FNBP1: variants seen among roughly 807,000 people sequenced by gnomAD.
FNBP1 encodes formin-binding protein 1.
Under a neutral mutation model 90.6 loss-of-function variants are expected in FNBP1, and 26 were observed. The observed-to-expected ratio is 0.29, with a 90% CI of 0.21 to 0.40. The LOEUF is 0.40. FNBP1 is among the 10% of genes least tolerant of loss of function. FNBP1 has a pLI of 1.00. For synonymous variants in FNBP1, 260 were observed against 265.2 expected, an observed-to-expected ratio of 0.98 and a Z score of 0.19; for missense variants, 635 against 768.0, an observed-to-expected ratio of 0.83 and a Z score of 2.05.
At chr9:129,978,013 C>CT (rs1159404815) in intron 4 of FNBP1, among the ~76,000 whole-genome samples, 2 of 151,486 alleles carry the variant, frequency 1.3e-5, no homozygotes, top group Non-Finnish European at 2.9e-5. Context: ...GGGTCTGTAA[C>CT]TTTTTTTCTT....
intron 1 of FNBP1, among the ~76,000 whole-genome samples, chr9:130,030,766 T>G (rs2058736578): frequency 6.6e-6 from 1 of 152,192 alleles, no homozygotes; most frequent in Non-Finnish European, 1.5e-5. Context: ...TCACTATAAG[T>G]TTAAAATTCA....
intron 1 of FNBP1, among the ~76,000 whole-genome samples, chr9:130,003,234 G>A (rs574674659): frequency 8.6e-5 from 13 of 151,952 alleles, no homozygotes; most frequent in South Asian, 2.1e-4. Flanking sequence ...CGAGGCAGGC[G>A]GATCATGAGG....
At chr9:130,050,231 T>C in the FNBP1 span, among the ~76,000 whole-genome samples, 1 of 152,172 alleles carries the variant, frequency 6.6e-6, no homozygotes, top group Non-Finnish European at 1.5e-5. Context: ...AACCAGGAAC[T>C]CCATGGTGAG....
chr9:130,042,896 G>C lies in FNBP1; in HGVS notation c.24+56C>G, dbSNP rs973772840. 1,518 of 1,168,084 alleles carry C rather than the reference G, an allele frequency of 1.3e-3. 3 individuals are homozygous for C. Among genetic ancestry groups the C allele is most frequent in the Non-Finnish European group, 1.6e-3 (1,471 of 930,666 alleles). 72.4% of individuals were successfully genotyped at this position (1,168,084 alleles called of 1,614,324 possible). ...GCGGCCCGCGCCCCCTCCCCAGGCC[G>C]CGGGGAAACGCAGCGCGCGCCCCGC... On this transcript the variant is annotated intron_variant, in intron 1 of 16. Transcript: ENST00000446176. The surrounding 1 kb of genome is among the most constrained non-coding windows in gnomAD (Gnocchi z 5.5).
In FNBP1 at chr9:129,923,916, G is replaced by A. The variant is rs917692232; in HGVS notation, c.1098C>T (p.Pro366=). ...GPQSPKQQKE[P]LSHRFNEFMT... ...TGAACTCGTTGAAGCGATGGGAGAG[G>A]GGTTCCTTTTGCTGCTTGGGAGACT... The change falls in exon 10 of 17, where the codon CCC becomes CCT. Residue 366 remains proline, a synonymous_variant. Transcript: ENST00000446176. 2.5e-6 allele frequency: 4 copies of A among 1,600,410 alleles called. No homozygotes were observed. The highest frequency in any genetic ancestry group is 2.7e-5 in the African/African-American group (2 of 73,810).
intron 12 of FNBP1, among the ~76,000 whole-genome samples, chr9:129,906,496 T>C (rs2038083786): frequency 6.6e-6 from 1 of 152,148 alleles, no homozygotes; most frequent in African/African-American, 2.4e-5. Context: ...TGAGCTCCAA[T>C]GGTTTTATAA....
intron 10 of FNBP1, among the ~76,000 whole-genome samples, chr9:129,916,863 C>T (rs1173193516): frequency 2.0e-5 from 3 of 152,130 alleles, no homozygotes; most frequent in African/African-American, 4.8e-5. Context: ...CTGCAGGACC[C>T]AGAATGCCTC....
chr9:129,950,807 T>G (rs952376894), intron 6 of FNBP1, among the ~76,000 whole-genome samples: 5 of 152,216 alleles, frequency 3.3e-5, no homozygotes, highest in Admixed American at 6.6e-5. Flanking sequence ...CTTTTTCTTT[T>G]TTTTGAGACA....
intron 11 of FNBP1, among the ~76,000 whole-genome samples, chr9:129,913,731 A>C (rs1487178030): frequency 1.3e-5 from 2 of 151,990 alleles, no homozygotes; most frequent in African/African-American, 4.8e-5. Flanking sequence ...AGATCGCGCC[A>C]CTGCACTCCA....
rs1332244276 is a variant in FNBP1, at chr9:129,900,593, G to A, written c.1429-46C>T. 1.4e-6 allele frequency: 2 copies of A among 1,452,778 alleles called. No homozygotes were observed. The highest frequency in any genetic ancestry group is 2.9e-5 in the African/African-American group (2 of 69,010). The allele number at this position is 1,452,778 out of a possible 1,614,324, so 90.0% of individuals were successfully genotyped here. On this transcript the variant is annotated intron_variant, in intron 13 of 16. Coordinates refer to ENST00000446176, the MANE Select transcript of FNBP1 (RefSeq NM_015033.3). The surrounding 1 kb of genome is among the most constrained non-coding windows in gnomAD (Gnocchi z 4.1). Reference sequence around the variant, plus strand: ...AGACTCCAACCTAAGGCCATCTGAGGGTCAGCCCAGAGTGTCCTAAGGTCC... The same window carrying A: ...AGACTCCAACCTAAGGCCATCTGAGAGTCAGCCCAGAGTGTCCTAAGGTCC...
At chr9:129,895,294 T>C (rs1016175416) in intron 16 of FNBP1, 2 of 1,060,104 alleles carry the variant, frequency 1.9e-6, no homozygotes, top group Non-Finnish European at 2.3e-6. Context: ...TATTTACTGC[T>C]TTAGTCAAGA....
At chr9:129,956,648 G>A (rs770530791) in intron 6 of FNBP1, among the ~76,000 whole-genome samples, 13 of 152,152 alleles carry the variant, frequency 8.5e-5, no homozygotes, top group Non-Finnish European at 1.6e-4. Context: ...TTAGAAGTCA[G>A]GCAAGCAGTG....
At chr9:129,944,339 G>A (rs1443262117) in intron 6 of FNBP1, among the ~76,000 whole-genome samples, 6 of 151,878 alleles carry the variant, frequency 4.0e-5, no homozygotes, top group African/African-American at 1.2e-4. Flanking sequence ...TCAAGAGATC[G>A]AGACCATCCA....
chr9:129,979,329 T>G lies in FNBP1; in HGVS notation c.186A>C (p.Glu62Asp). The change falls in exon 3 of 17, where the codon GAA becomes GAC. Residue 62 changes from glutamate to aspartate, a missense_variant. Coordinates refer to ENST00000446176, the MANE Select transcript of FNBP1 (RefSeq NM_015033.3). ...AATGGTAAACATACTTGTATTCTTC[T>G]TCCTCCTTCGAGTTCTTTTTAGGTT... ...KYQPKKNSKE[E>D]EEYKYTSCKA... 6.2e-7 allele frequency: 1 copy of G among 1,602,730 alleles called. No homozygotes were observed. The highest frequency in any genetic ancestry group is 8.5e-7 in the Non-Finnish European group (1 of 1,170,446).
intron 15 of FNBP1, among the ~76,000 whole-genome samples, chr9:129,896,487 G>A (rs1313729989): frequency 2.6e-5 from 4 of 152,022 alleles, no homozygotes; most frequent in South Asian, 2.1e-4. Flanking sequence ...CGGTTCAAGC[G>A]ATTCTCCTGT....
At chr9:129,906,772 T>C (rs532534065) in intron 12 of FNBP1, among the ~76,000 whole-genome samples, 1 of 152,314 alleles carries the variant, frequency 6.6e-6, no homozygotes, top group East Asian at 1.9e-4. Context: ...AAGTCTTCTA[T>C]ACTAACTTTG....
chr9:129,897,211 A>G (rs186704334), intron 15 of FNBP1, among the ~76,000 whole-genome samples: 1 of 152,198 alleles, frequency 6.6e-6, no homozygotes, highest in African/African-American at 2.4e-5. Flanking sequence ...TCAGCCCCGA[A>G]TATATGCAGT....
At chr9:129,968,089 A>G (rs2048893025) in intron 4 of FNBP1, among the ~76,000 whole-genome samples, 1 of 151,920 alleles carries the variant, frequency 6.6e-6, no homozygotes, top group Non-Finnish European at 1.5e-5. Flanking sequence ...CCACTTTTAC[A>G]TGTTCTTTCA....
At chr9:129,954,067 C>T (rs1462662600) in intron 6 of FNBP1, among the ~76,000 whole-genome samples, 2 of 151,042 alleles carry the variant, frequency 1.3e-5, no homozygotes, top group African/African-American at 2.4e-5. Context: ...TCTTAAAAAA[C>T]GTATCCAGAA....
Sources: allele counts gnomAD v4.1 joint callset (sites outside exome capture counted in the v4.1 genomes callset), GRCh38; gene constraint gnomAD v4.1.1; non-coding constraint Gnocchi (gnomAD v3.1); transcripts MANE v1.5; gene names NCBI Gene and HGNC (gene_info 2026-07-23, HGNC 2026-07-21).